Variants in HDAC2 observed in about 807,000 individuals in gnomAD.
HDAC2 encodes histone deacetylase 2, also known as YY1-associated factor 1.
HDAC2 carries 5 observed loss-of-function variants against 68.5 expected under a neutral mutation model. That is an observed-to-expected ratio of 0.07 (90% CI 0.04 to 0.15). The LOEUF (loss-of-function observed/expected upper bound fraction) is 0.15, where lower values mean the gene tolerates loss of function less well. Among genes scored for constraint, HDAC2 ranks in the 10% least tolerant of loss-of-function variants. HDAC2 has a pLI of 1.00. For missense variants in HDAC2, 291 were observed against 600.8 expected (o/e 0.48, Z 5.39); for synonymous variants, 182 against 191.3 (o/e 0.95, Z 0.40).
chr6:113,950,320 GAC>G (rs1034370501), intron 6 of HDAC2, among the ~76,000 whole-genome samples: 1 of 151,974 alleles, frequency 6.6e-6, no homozygotes, highest in African/African-American at 2.4e-5. Flanking sequence ...GTATAGTACA[GAC>G]ATTACTACAA....
intron 1 of HDAC2, among the ~76,000 whole-genome samples, chr6:113,964,599 C>T (rs909786454): frequency 1.3e-5 from 2 of 152,140 alleles, no homozygotes; most frequent in Admixed American, 6.5e-5. Context: ...TCTCTTCTCT[C>T]GGGAGTTAAG....
At chr6:113,954,394 A>G (rs1427888995) in intron 5 of HDAC2, among the ~76,000 whole-genome samples, 1 of 152,210 alleles carries the variant, frequency 6.6e-6, no homozygotes, top group Non-Finnish European at 1.5e-5. Flanking sequence ...CACAAAATTA[A>G]AAAAACAGAA....
At chr6:113,945,171 C>A (rs1211184131) in intron 10 of HDAC2, among the ~76,000 whole-genome samples, 191 bp downstream of exon 10, 4 of 147,252 alleles carry the variant, frequency 2.7e-5, no homozygotes, top group Non-Finnish European at 4.5e-5. Context: ...CAAGCAATAT[C>A]CCATCCTGAC....
At chr6:113,943,186 CT>C (rs1230923937) in intron 12 of HDAC2, among the ~76,000 whole-genome samples, 164 bp downstream of exon 12, 12 of 152,034 alleles carry the variant, frequency 7.9e-5, no homozygotes, top group African/African-American at 2.9e-4. Flanking sequence ...TATATAAAAG[CT>C]TTAAGAGCTA....
chr6:113,954,838 T>C (rs571794992), intron 5 of HDAC2, among the ~76,000 whole-genome samples: 34 of 150,668 alleles, frequency 2.3e-4, no homozygotes, highest in Non-Finnish European at 4.2e-4. Flanking sequence ...GTGTCATAAC[T>C]GATGGCAAAA....
At chr6:113,961,050 T>C (rs545000757) in intron 1 of HDAC2, among the ~76,000 whole-genome samples, 3 of 152,242 alleles carry the variant, frequency 2.0e-5, no homozygotes, top group Non-Finnish European at 4.4e-5. Context: ...TACCAGTTTA[T>C]TGAAGGAACT....
chr6:113,944,854 T>C (rs777174558), intron 10 of HDAC2, among the ~76,000 whole-genome samples: 1 of 152,118 alleles, frequency 6.6e-6, no homozygotes, highest in Non-Finnish European at 1.5e-5. Flanking sequence ...CAAAGGCAAG[T>C]GAACTTATCA....
At chr6:113,969,800 T>A (rs892323460) in intron 1 of HDAC2, 21 of 152,198 alleles carry the variant, frequency 1.4e-4, no homozygotes, top group Admixed American at 1.2e-3. Context: ...ATTTACCTCA[T>A]TAGAATATTT....
In HDAC2 at chr6:113,970,380, G is replaced by C. The variant is rs571419304; in HGVS notation, c.52+477C>G. ...AGGGGACGGGAGGGGCGGAGCTCTC[G>C]CGGCCGCGGGGCTTTGTGTAGAGTC... is the stretch of plus-strand genomic sequence containing the variant. On this transcript the variant is annotated intron_variant, in intron 1 of 13. Transcript: ENST00000519065. The C allele has an allele frequency of 3.8e-5, 33 of 873,712 alleles. No homozygotes were observed. In the African/African-American group the frequency reaches 5.4e-4, roughly 14 times the overall value. The allele number at this position is 873,712 out of a possible 1,614,324, so 54.1% of individuals were successfully genotyped here. A position where few individuals can be genotyped will look rare whatever the true frequency, so the allele number is the denominator to read the frequency against.
chr6:113,968,137 C>T (rs1776868027), intron 1 of HDAC2, among the ~76,000 whole-genome samples: 1 of 152,228 alleles, frequency 6.6e-6, no homozygotes, highest in Non-Finnish European at 1.5e-5. Context: ...GTGTGCCTAA[C>T]AGCCCCAGGA....
At chr6:113,956,449 A>C (rs1776555868) in intron 4 of HDAC2, 170 bp downstream of exon 4, 4 of 600,490 alleles carry the variant, frequency 6.7e-6, no homozygotes, top group Non-Finnish European at 1.2e-5. Context: ...TTTAAGTCAT[A>C]ATCATAAAAC....
intron 1 of HDAC2, among the ~76,000 whole-genome samples, chr6:113,966,586 T>A (rs1016378028): frequency 8.0e-4 from 119 of 148,370 alleles, no homozygotes; most frequent in Admixed American, 6.0e-3. Context: ...AAGGAATTAA[T>A]AATTTATTCA....
In HDAC2 at chr6:113,944,497, C is replaced by A. The variant is rs562710708; in HGVS notation, c.1092-87G>T. 5 of 1,146,706 alleles carry A rather than the reference C, an allele frequency of 4.4e-6. No individual in the cohort carries two copies. In the Middle Eastern group the frequency reaches 6.0e-4, roughly 137 times the overall value. The allele number at this position is 1,146,706 out of a possible 1,614,324, so 71.0% of individuals were successfully genotyped here. A position where few individuals can be genotyped will look rare whatever the true frequency, so the allele number is the denominator to read the frequency against. On this transcript the variant is annotated intron_variant, in intron 10 of 13. Transcript: ENST00000519065. ...AGAGAAAATATTTAGCAAAAAATTT[C>A]ATCTTTGGTCTAGCTAAACCTATAT...
chr6:113,971,089 G>A lies in HDAC2; in HGVS notation c.-181C>T, dbSNP rs752369307. 9 of 1,550,322 alleles carry A rather than the reference G, an allele frequency of 5.8e-6. No individual in the cohort carries two copies. The highest frequency in any genetic ancestry group is 3.9e-5 in the Admixed American group (2 of 51,016). On this transcript the variant is annotated 5_prime_UTR_variant, in exon 1 of 14. Coordinates refer to ENST00000519065, the MANE Select transcript of HDAC2 (RefSeq NM_001527.4). ...GCGCCGGGAAGGCTCGGTACCACCC[G>A]GCAGAGGTGCCGAAAGCTCGGAATC...
chr6:113,959,963 G>T lies in HDAC2; in HGVS notation c.108C>A (p.Ile36=). 1 of 1,595,610 alleles carries T rather than the reference G, an allele frequency of 6.3e-7. No individual in the cohort carries two copies. Among genetic ancestry groups the T allele is most frequent in the Non-Finnish European group, 8.6e-7 (1 of 1,163,514 alleles). Reference sequence around the variant, plus strand: ...TTAACAGCAAGTTATGGGTCATGCGGATTCTATGAGGCTTCATGGGATGAC... The same window carrying T: ...TTAACAGCAAGTTATGGGTCATGCGTATTCTATGAGGCTTCATGGGATGAC... ...GQGHPMKPHR[I]RMTHNLLLNY... The change falls in exon 2 of 14, where the codon ATC becomes ATA. Residue 36 remains isoleucine (I), a synonymous_variant. Transcript: ENST00000519065.
intron 1 of HDAC2, among the ~76,000 whole-genome samples, chr6:113,968,847 G>A (rs1776897827): frequency 6.6e-6 from 1 of 152,186 alleles, no homozygotes; most frequent in Admixed American, 6.5e-5. Flanking sequence ...GCGCTGTTCA[G>A]AAACTGCTAC....
intron 1 of HDAC2, among the ~76,000 whole-genome samples, chr6:113,969,124 A>T (rs1478086113): frequency 6.6e-6 from 1 of 152,268 alleles, no homozygotes; most frequent in African/African-American, 2.4e-5. Flanking sequence ...GGGCAAGAAT[A>T]ACCCAAAATA....
chr6:113,950,943 T>G (rs556665410), intron 6 of HDAC2, among the ~76,000 whole-genome samples: 151 of 152,230 alleles, frequency 9.9e-4, no homozygotes, highest in African/African-American at 3.3e-3. Flanking sequence ...AAGTCTAAGT[T>G]TTTATTAAGA....
chr6:113,959,247 T>C (rs890042067), intron 2 of HDAC2, among the ~76,000 whole-genome samples: 9 of 152,132 alleles, frequency 5.9e-5, no homozygotes, highest in African/African-American at 2.2e-4. Context: ...ACTTCCAGAC[T>C]GAGTCTTATT....
Sources: gnomAD v4.1 joint callset for allele counts (sites outside exome capture counted in the v4.1 genomes callset) on GRCh38, gnomAD v4.1.1 for gene constraint, MANE v1.5 for transcripts, NCBI Gene and HGNC (gene_info 2026-07-23, HGNC 2026-07-21) for gene names.